Variants in GRIA2 observed in about 807,000 individuals in gnomAD.
GRIA2 encodes the protein glutamate receptor 2.
GRIA2 carries 14 observed loss-of-function variants against 97.3 expected under a neutral mutation model. The observed-to-expected ratio is 0.14, with a 90% CI of 0.10 to 0.23. The LOEUF (loss-of-function observed/expected upper bound fraction) is 0.23. GRIA2 is among the 10% of genes least tolerant of loss of function. The pLI, the probability that GRIA2 is intolerant of heterozygous loss-of-function variation, is 1.00. For missense variants in GRIA2, 558 were observed against 1,069.8 expected, an observed-to-expected ratio of 0.52 and a Z score of 6.67; for synonymous variants, 412 against 387.8, an observed-to-expected ratio of 1.06 and a Z score of -0.73.
chr4:157,268,788 A>G (rs1372918088), intron 2 of GRIA2, among the ~76,000 whole-genome samples: 1 of 151,940 alleles, frequency 6.6e-6, no homozygotes, highest in African/African-American at 2.4e-5. Context: ...TTTTTTTCTT[A>G]GGATATAAGT....
chr4:157,291,176 A>T (rs1733082161), intron 2 of GRIA2, among the ~76,000 whole-genome samples: 2 of 151,928 alleles, frequency 1.3e-5, no homozygotes. Context: ...TTAAATAGCT[A>T]TTAGAATTCT....
intron 3 of GRIA2, among the ~76,000 whole-genome samples, chr4:157,307,551 A>G (rs992311650): frequency 1.3e-5 from 2 of 152,174 alleles, no homozygotes; most frequent in African/African-American, 2.4e-5. Context: ...ATCACTCCAT[A>G]AAGAGAAATT....
At chr4:157,321,353 C>T (rs1395979826) in intron 5 of GRIA2, 85 bp from the exon 6 acceptor site, 1 of 914,990 alleles carries the variant, frequency 1.1e-6, no homozygotes. Context: ...TATCTAAAAC[C>T]ACAATGTATA....
chr4:157,338,027 T>TATATATATATATAC, intron 11 of GRIA2, among the ~76,000 whole-genome samples: 1 of 11,910 alleles, frequency 8.4e-5, no homozygotes, highest in African/African-American at 1.4e-4. Flanking sequence ...TATATATATA[T>TATATATATATATAC]ATATATATAT....
intron 2 of GRIA2, among the ~76,000 whole-genome samples, chr4:157,247,371 C>T (rs1392273699): frequency 1.3e-5 from 2 of 152,086 alleles, no homozygotes; most frequent in East Asian, 1.9e-4. Flanking sequence ...ACTGGGAAAT[C>T]CCTGTATTTT....
At chr4:157,308,311 A>G (rs1470122389) in intron 3 of GRIA2, among the ~76,000 whole-genome samples, 1 of 152,242 alleles carries the variant, frequency 6.6e-6, no homozygotes, top group Admixed American at 6.5e-5. Flanking sequence ...AACTACAACC[A>G]GTCAGTAACA....
At chr4:157,289,818 A>C (rs1733015171) in intron 2 of GRIA2, among the ~76,000 whole-genome samples, 1 of 151,894 alleles carries the variant, frequency 6.6e-6, no homozygotes, top group Non-Finnish European at 1.5e-5. Flanking sequence ...AAAAAGCTAG[A>C]GAGATTATTT....
At chr4:157,335,983 A>T in intron 10 of GRIA2, 106 bp downstream of exon 10, 1 of 756,946 alleles carries the variant, frequency 1.3e-6, no homozygotes, top group Non-Finnish European at 2.3e-6. Flanking sequence ...TTGATTTCCC[A>T]CATTACTCTA....
chr4:157,358,464 G>A (rs779078772), intron 12 of GRIA2, among the ~76,000 whole-genome samples: 7 of 152,144 alleles, frequency 4.6e-5, no homozygotes, highest in African/African-American at 1.7e-4. Context: ...ATCTGAAGCG[G>A]CATTGTTTGG....
chr4:157,322,474 T>G (rs550655916), intron 6 of GRIA2, among the ~76,000 whole-genome samples: 1 of 152,104 alleles, frequency 6.6e-6, no homozygotes, highest in Non-Finnish European at 1.5e-5. Flanking sequence ...CTCCATGGGT[T>G]TGGACACAAT....
Position 157,333,995 on chromosome 4 carries a change from T to G in GRIA2, c.1156-15T>G, listed in dbSNP as rs751984666. The stretch of plus-strand genomic sequence containing the variant: ...GTCATTTATCCATACACCTGTCTGC[T>G]GTAACCTTTTCCAGATTGGCTACTG... On this transcript the variant is annotated splice_polypyrimidine_tract_variant and intron_variant, in intron 8 of 15. Transcript: ENST00000264426. 1 of 1,256,310 alleles carries G rather than the reference T, an allele frequency of 8.0e-7. No homozygotes were observed. Among genetic ancestry groups the G allele is most frequent in the Admixed American group, 1.7e-5 (1 of 59,402 alleles). The allele number at this position is 1,256,310 out of a possible 1,614,324, so 77.8% of individuals were successfully genotyped here.
intron 4 of GRIA2, among the ~76,000 whole-genome samples, chr4:157,313,418 G>T (rs1734171563): frequency 6.6e-6 from 1 of 152,036 alleles, no homozygotes; most frequent in Non-Finnish European, 1.5e-5. Context: ...GGACACATTT[G>T]GGCTGTGTTT....
intron 4 of GRIA2, among the ~76,000 whole-genome samples, chr4:157,314,632 A>T (rs1025256080): frequency 3.9e-5 from 6 of 152,188 alleles, no homozygotes; most frequent in African/African-American, 9.7e-5. Flanking sequence ...GACTCATCAT[A>T]ATAAATGTTA....
At position 157,355,916 on chromosome 4, in the gene GRIA2, AATATATTT is replaced by A. The variant is rs1560781083; in HGVS notation, c.2044-3973_2044-3966del. ...ATTTATATATAAATATATATATATT[AATATATTT>A]ATATATATTTATATATTAATATATA... is the stretch of plus-strand genomic sequence containing the variant. On this transcript the variant is annotated intron_variant, in intron 12 of 15. Transcript: ENST00000264426. Among the ~76,000 whole-genome samples, 199 of 26,036 alleles carry A rather than the reference AATATATTT, an allele frequency of 7.6e-3. 2 individuals are homozygous for A. Among genetic ancestry groups the A allele is most frequent in the Admixed American group, 0.013 (10 of 788 alleles). 17.1% of individuals were successfully genotyped at this position (26,036 alleles called of 152,430 possible). A position where few individuals can be genotyped will look rare whatever the true frequency, so the allele number is the denominator to read the frequency against.
At chr4:157,245,169 C>T (rs1274688723) in intron 2 of GRIA2, among the ~76,000 whole-genome samples, 1 of 151,874 alleles carries the variant, frequency 6.6e-6, no homozygotes, top group Non-Finnish European at 1.5e-5. Context: ...ATCAGAGCTT[C>T]GAGTATACCA....
upstream of GRIA2, chr4:157,220,645 T>G: frequency 4.1e-5 from 2 of 48,844 alleles, no homozygotes; most frequent in Admixed American, 3.1e-4. Context: ...TGTGTGTGCG[T>G]GTGTGTATGT....
At chr4:157,236,011 T>C (rs1001162520) in intron 2 of GRIA2, among the ~76,000 whole-genome samples, 3 of 152,038 alleles carry the variant, frequency 2.0e-5, no homozygotes, top group African/African-American at 7.2e-5. Flanking sequence ...TTTTATATAA[T>C]TTAAACCTTG....
At chr4:157,323,733 A>C (rs113622358) in intron 6 of GRIA2, among the ~76,000 whole-genome samples, 1 of 152,186 alleles carries the variant, frequency 6.6e-6, no homozygotes, top group African/African-American at 2.4e-5. Context: ...TTAAAATGCA[A>C]GAGGTATTTG....
At chr4:157,326,055 C>G (rs1439662970) in intron 6 of GRIA2, among the ~76,000 whole-genome samples, 2 of 152,180 alleles carry the variant, frequency 1.3e-5, no homozygotes, top group African/African-American at 4.8e-5. Context: ...AGCCACATCT[C>G]TGTACACTGG....
Sources: gnomAD v4.1 joint callset for allele counts (sites outside exome capture counted in the v4.1 genomes callset) on GRCh38, gnomAD v4.1.1 for gene constraint, MANE v1.5 for transcripts, NCBI Gene and HGNC (gene_info 2026-07-23, HGNC 2026-07-21) for gene names.